Variants in IL18 observed in about 807,000 individuals in gnomAD.
The protein encoded by IL18 is interleukin 18, also known as interleukin-18.
IL18 carries 8 observed loss-of-function variants against 14.2 expected under a neutral mutation model. That is an observed-to-expected ratio of 0.56 (90% CI 0.33 to 1.01). The LOEUF is 1.01. Ranked by LOEUF, IL18 falls within the 50% of genes least tolerant of loss-of-function variation. The pLI is 0.03. For synonymous variants in IL18, 67 were observed against 71.0 expected, an observed-to-expected ratio of 0.94 and a Z score of 0.28; for missense variants, 166 against 231.1, an observed-to-expected ratio of 0.72 and a Z score of 1.83.
intron 1 of IL18, among the ~76,000 whole-genome samples, chr11:112,160,284 G>A (rs1221174693): frequency 1.4e-5 from 2 of 143,720 alleles, no homozygotes; most frequent in African/African-American, 2.6e-5. Context: ...TATTCTCTCT[G>A]CCAGGCCAGA....
intron 4 of IL18, 34 bp from the exon 5 acceptor site, chr11:112,148,770 A>G (rs1185902383): frequency 7.6e-7 from 1 of 1,308,854 alleles, no homozygotes; most frequent in South Asian, 1.8e-5. Context: ...AACTCTAGTT[A>G]GAAGAATTCT....
At chr11:112,156,375 G>T (rs982426426) in intron 1 of IL18, among the ~76,000 whole-genome samples, 1 of 151,970 alleles carries the variant, frequency 6.6e-6, no homozygotes, top group Non-Finnish European at 1.5e-5. Context: ...TTTTATCTAG[G>T]TTTAGTTCCT....
At chr11:112,156,164 T>C (rs1866527014) in intron 1 of IL18, among the ~76,000 whole-genome samples, 1 of 152,170 alleles carries the variant, frequency 6.6e-6, no homozygotes, top group African/African-American at 2.4e-5. Flanking sequence ...GCTCAAAATT[T>C]TTCTAGCATA....
At chr11:112,150,049 T>C in intron 4 of IL18, 23 bp downstream of exon 4, 1 of 1,585,614 alleles carries the variant, frequency 6.3e-7, no homozygotes. Context: ...GTCATTTCTA[T>C]GTTTGCGAAT....
Position 112,143,695 on chromosome 11 carries a change from T to C in IL18, c.483A>G (p.Leu161=). 1.2e-6 allele frequency: 2 copies of C among 1,612,690 alleles called. No homozygotes were observed. Among genetic ancestry groups the C allele is most frequent in the South Asian group, 2.2e-5 (2 of 91,054 alleles). The part of the protein sequence containing the change: ...FESSSYEGYF[L]ACEKERDLFK... Reference sequence around the variant, plus strand: ...AAAGGTCTCTCTCTTTTTCACAAGCTAGAAAGTATCCTTCGTATGATGAAG... The same window carrying C: ...AAAGGTCTCTCTCTTTTTCACAAGCCAGAAAGTATCCTTCGTATGATGAAG... Residue 161 remains leucine (L), a synonymous_variant, in exon 6 of 6, where the codon CTA becomes CTG. Transcript: ENST00000280357.
intron 1 of IL18, among the ~76,000 whole-genome samples, chr11:112,159,223 A>G (rs1866586634): frequency 6.6e-6 from 1 of 152,062 alleles, no homozygotes; most frequent in South Asian, 2.1e-4. Context: ...GTGGTGGCAC[A>G]TACCTGTAGT....
chr11:112,146,796 T>C (rs1866351199), intron 5 of IL18, among the ~76,000 whole-genome samples: 3 of 151,078 alleles, frequency 2.0e-5, no homozygotes, highest in Admixed American at 1.3e-4. Flanking sequence ...GCAGATTTGC[T>C]ATGATGCTGA....
intron 1 of IL18, among the ~76,000 whole-genome samples, chr11:112,158,627 T>G (rs1866576212): frequency 1.4e-5 from 2 of 140,734 alleles, no homozygotes; most frequent in African/African-American, 5.3e-5. Flanking sequence ...AATAATAACC[T>G]GTATGTCTGA....
chr11:112,143,298 G>T lies in IL18; in HGVS notation c.*298C>A. On this transcript the variant is annotated 3_prime_UTR_variant, in exon 6 of 6. Coordinates refer to ENST00000280357, the MANE Select transcript of IL18 (RefSeq NM_001562.4). ...TGTTTATTTATTTATTTTATTTTTT[G>T]AGATGGAGTTTTGCTGTTGTTGCCC... 5.2e-6 allele frequency: 1 copy of T among 193,424 alleles called. No individual in the cohort carries two copies. The highest frequency in any genetic ancestry group is 1.0e-5 in the Non-Finnish European group (1 of 95,498). The allele number at this position is 193,424 out of a possible 1,614,324, so 12.0% of individuals were successfully genotyped here.
At chr11:112,162,341 C>CTTTTTT (rs140882241) in intron 1 of IL18, among the ~76,000 whole-genome samples, 2 of 131,164 alleles carry the variant, frequency 1.5e-5, no homozygotes, top group Admixed American at 7.7e-5. Context: ...CTTTTCTTTT[C>CTTTTTT]TTTTTTTTTT....
In IL18 at chr11:112,143,331, A is replaced by G; in HGVS notation, c.*265T>C. 3.6e-6 allele frequency: 1 copy of G among 280,016 alleles called. No homozygotes were observed. The highest frequency in any genetic ancestry group is 6.7e-6 in the Non-Finnish European group (1 of 150,082). 17.3% of individuals were successfully genotyped at this position (280,016 alleles called of 1,614,324 possible). A position where few individuals can be genotyped will look rare whatever the true frequency, so the allele number is the denominator to read the frequency against. On this transcript the variant is annotated 3_prime_UTR_variant, in exon 6 of 6. Transcript: ENST00000280357. ...GTTTTGCTGTTGTTGCCCAGGCTAG[A>G]GCGCAATGGTGCAATCTCGGCTCAC...
intron 4 of IL18, among the ~76,000 whole-genome samples, chr11:112,149,394 G>A (rs774470302): frequency 1.2e-4 from 18 of 151,876 alleles, no homozygotes; most frequent in Non-Finnish European, 2.4e-4. Context: ...CTAAAAGATT[G>A]TTTTTAACTT....
At chr11:112,149,948 A>G in intron 4 of IL18, 124 bp downstream of exon 4, 1 of 922,808 alleles carries the variant, frequency 1.1e-6, no homozygotes, top group Non-Finnish European at 1.6e-6. Flanking sequence ...CCTGTAAGTG[A>G]AATTATTGTC....
chr11:112,153,653 G>A (rs763610461), intron 2 of IL18, 50 bp from the exon 3 acceptor site: 14 of 1,358,384 alleles, frequency 1.0e-5, no homozygotes, highest in African/African-American at 2.9e-5. Context: ...TTTGTATTTC[G>A]ACTCAGAATT....
intron 1 of IL18, among the ~76,000 whole-genome samples, chr11:112,161,526 C>T (rs360715): frequency 0.25 from 38,312 of 152,142 alleles, 5,059 homozygotes; most frequent in Admixed American, 0.3. Context: ...AGGCTGGGCA[C>T]GGTGGCTTAT....
Position 112,163,009 on chromosome 11 carries a change from C to A in IL18, c.-9+897G>T, listed in dbSNP as rs181062150. Among the ~76,000 whole-genome samples, 215 of 152,188 alleles carry A rather than the reference C, an allele frequency of 1.4e-3. 1 individual carries two copies. Among genetic ancestry groups the A allele is most frequent in the East Asian group, 3.9e-4 (2 of 5,174 alleles). ...CTGGTCTCAAATTCCTGGGCTCAGGCCTGCCTGAGATTCTAGGCATGAGCT... is the reference window on the plus strand; with the variant it reads ...CTGGTCTCAAATTCCTGGGCTCAGGACTGCCTGAGATTCTAGGCATGAGCT... On this transcript the variant is annotated intron_variant, in intron 1 of 5. Coordinates refer to ENST00000280357, the MANE Select transcript of IL18 (RefSeq NM_001562.4).
At chr11:112,160,550 G>T (rs1169807825) in intron 1 of IL18, among the ~76,000 whole-genome samples, 1 of 152,118 alleles carries the variant, frequency 6.6e-6, no homozygotes, top group Admixed American at 6.5e-5. Context: ...AAGACAATGA[G>T]TTGTCTTTTT....
intron 5 of IL18, among the ~76,000 whole-genome samples, chr11:112,144,545 C>T (rs1866303848): frequency 6.6e-6 from 1 of 152,212 alleles, no homozygotes; most frequent in Non-Finnish European, 1.5e-5. Flanking sequence ...CCATGCCTGG[C>T]CTGGCCAGTT....
chr11:112,146,819 G>A (rs1370779843), intron 5 of IL18, among the ~76,000 whole-genome samples: 1 of 150,418 alleles, frequency 6.6e-6, no homozygotes, highest in Non-Finnish European at 1.5e-5. Flanking sequence ...AAGCTTAAAT[G>A]TCAGATTCCC....
Sources: gnomAD v4.1 joint callset for allele counts (sites outside exome capture counted in the v4.1 genomes callset) on GRCh38, gnomAD v4.1.1 for gene constraint, MANE v1.5 for transcripts, NCBI Gene and HGNC (gene_info 2026-07-23, HGNC 2026-07-21) for gene names.